Variants in NR5A2 observed in about 807,000 individuals in gnomAD.
The protein encoded by NR5A2 is CYP7A promoter-binding factor.
In NR5A2, 26 loss-of-function variants were observed where a neutral mutation model predicts 62.7. That is an observed-to-expected ratio of 0.41 (90% CI 0.30 to 0.58). NR5A2 has a LOEUF of 0.58. Among genes scored for constraint, NR5A2 ranks in the 20% least tolerant of loss-of-function variants. NR5A2 has a pLI of 0.22. For synonymous variants in NR5A2, 246 were observed against 241.7 expected, an observed-to-expected ratio of 1.02 and a Z score of -0.16; for missense variants, 541 against 669.1, an observed-to-expected ratio of 0.81 and a Z score of 2.11.
intron 5 of NR5A2, among the ~76,000 whole-genome samples, chr1:200,075,321 CT>C (rs1663975855): frequency 6.6e-6 from 1 of 152,094 alleles, no homozygotes; most frequent in South Asian, 2.1e-4. Flanking sequence ...AAAAAGGAGG[CT>C]TTTTTGCTTC....
At chr1:200,091,392 C>T (rs1664805602) in intron 5 of NR5A2, among the ~76,000 whole-genome samples, 1 of 151,918 alleles carries the variant, frequency 6.6e-6, no homozygotes, top group African/African-American at 2.4e-5. Flanking sequence ...TAGTTATTTG[C>T]CCGAGTTCAC....
intron 1 of NR5A2, among the ~76,000 whole-genome samples, chr1:200,034,600 G>A: frequency 7.6e-6 from 1 of 131,578 alleles, no homozygotes; most frequent in East Asian, 2.7e-4. Flanking sequence ...GGTTGCCCGG[G>A]GGGGTGGGTG....
rs760856582 is a variant in NR5A2, at chr1:200,048,692, A to G, written c.984A>G (p.Gln328=). The G allele has an allele frequency of 6.2e-7, 1 of 1,614,226 alleles. No individual in the cohort carries two copies. Among genetic ancestry groups the G allele is most frequent in the South Asian group, 1.1e-5 (1 of 91,086 alleles). The change falls in exon 5 of 8, where the codon CAA becomes CAG. Residue 328 remains glutamine, a synonymous_variant. Coordinates refer to ENST00000367362, the MANE Select transcript of NR5A2 (RefSeq NM_205860.3). The surrounding 1 kb of genome is among the most constrained non-coding windows in gnomAD (Gnocchi z 4.8). ...CTAAAATCATGGCCTATTTGCAGCAAGAGCAGGCTAACCGAAGCAAGCACG... is the reference window on the plus strand; with the variant it reads ...CTAAAATCATGGCCTATTTGCAGCAGGAGCAGGCTAACCGAAGCAAGCACG... ...VQAKIMAYLQ[Q]EQANRSKHEK...
chr1:200,121,188 T>C (rs1666468577), intron 7 of NR5A2, among the ~76,000 whole-genome samples: 2 of 152,224 alleles, frequency 1.3e-5, no homozygotes, highest in Admixed American at 1.3e-4. Flanking sequence ...CTCATTCAAA[T>C]GAGTCCTGGT....
At chr1:200,062,227 T>TGTGTGTGTGTGTG (rs1663256673) in intron 5 of NR5A2, among the ~76,000 whole-genome samples, 6 of 145,756 alleles carry the variant, frequency 4.1e-5, no homozygotes, top group African/African-American at 1.5e-4. Flanking sequence ...CTGGCAGATT[T>TGTGTGTGTGTGTG]TGTGTGTGTG....
intron 5 of NR5A2, among the ~76,000 whole-genome samples, chr1:200,089,094 A>G (rs1664689675): frequency 6.6e-6 from 1 of 152,214 alleles, no homozygotes; most frequent in Admixed American, 6.5e-5. Context: ...CACAAACACA[A>G]TTATGCCATA....
Position 200,133,588 on chromosome 1 carries a change from C to A in NR5A2, c.1378+12633C>A, listed in dbSNP as rs185566564. Among the ~76,000 whole-genome samples, 1,046 of 123,634 alleles carry A rather than the reference C, an allele frequency of 8.5e-3. 8 individuals carry two copies. The highest frequency in any genetic ancestry group is 0.013 in the Non-Finnish European group (793 of 59,516). The allele number at this position is 123,634 out of a possible 152,430, so 81.1% of individuals were successfully genotyped here. ...ATATATATATACACATATATATACA[C>A]ATATATATATATACACATATATACA... On this transcript the variant is annotated intron_variant, in intron 7 of 7. Coordinates refer to ENST00000367362, the MANE Select transcript of NR5A2 (RefSeq NM_205860.3).
intron 7 of NR5A2, among the ~76,000 whole-genome samples, chr1:200,141,031 TAAAC>T (rs140408927): frequency 0.51 from 77,767 of 151,194 alleles, 21,981 homozygotes; most frequent in Middle Eastern, 0.66. Context: ...ACTCCATCTC[TAAAC>T]AAACAAACAA....
At chr1:200,034,692 T>C (rs1033770990) in intron 1 of NR5A2, among the ~76,000 whole-genome samples, 1 of 150,892 alleles carries the variant, frequency 6.6e-6, no homozygotes, top group African/African-American at 2.4e-5. Flanking sequence ...CAGATCGAGA[T>C]ACTCTCATAG....
In NR5A2 at chr1:200,048,762, A is replaced by T; in HGVS notation, c.1054A>T (p.Thr352Ser). The T allele has an allele frequency of 6.2e-7, 1 of 1,614,110 alleles. No homozygotes were observed. Among genetic ancestry groups the T allele is most frequent in the Non-Finnish European group, 8.5e-7 (1 of 1,180,020 alleles). Residue 352 changes from threonine (T) to serine (S), a missense_variant, in exon 5 of 8, where the codon ACT becomes TCT. By Grantham distance (58) the Thr-to-Ser change is moderately conservative. This residue lies in a region of NR5A2 where 379 missense variants were observed against 442.0 expected (regional missense o/e 0.86). Coordinates refer to ENST00000367362, the MANE Select transcript of NR5A2 (RefSeq NM_205860.3). The surrounding 1 kb of genome is among the most constrained non-coding windows in gnomAD (Gnocchi z 4.8). ...GCTTATGTGCAAAATGGCAGATCAA[A>T]CTCTCTTCTCCATTGTCGAGTGGGC... Reference protein sequence around the residue: ...FGLMCKMADQTLFSIVEWARS... With the variant: ...FGLMCKMADQSLFSIVEWARS...
intron 7 of NR5A2, 27 bp from the exon 8 acceptor site, chr1:200,173,936 C>CTTT (rs3034024): frequency 4.5e-5 from 56 of 1,237,452 alleles, no homozygotes; most frequent in African/African-American, 1.5e-4. Flanking sequence ...TGAAATGTTG[C>CTTT]TTTTTTTTTT....
intron 5 of NR5A2, among the ~76,000 whole-genome samples, chr1:200,092,313 A>C (rs983672052): frequency 2.6e-5 from 4 of 152,308 alleles, no homozygotes; most frequent in Admixed American, 2.6e-4. Flanking sequence ...AAGACGCACT[A>C]TAAGTTTTTG....
At chr1:200,064,631 C>T (rs1479691510) in intron 5 of NR5A2, among the ~76,000 whole-genome samples, 1 of 152,074 alleles carries the variant, frequency 6.6e-6, no homozygotes, top group African/African-American at 2.4e-5. Flanking sequence ...ACTTAAGCAT[C>T]GGGGGCCAGA....
intron 6 of NR5A2, among the ~76,000 whole-genome samples, chr1:200,119,661 TC>T (rs1320173331): frequency 6.6e-6 from 1 of 152,162 alleles, no homozygotes; most frequent in Non-Finnish European, 1.5e-5. Flanking sequence ...GAGTCTGGCT[TC>T]TTCCCCCAGG....
At chr1:200,122,483 A>G (rs16846079) in intron 7 of NR5A2, among the ~76,000 whole-genome samples, 2,778 of 152,328 alleles carry the variant, frequency 0.018, 93 homozygotes, top group African/African-American at 0.063. Flanking sequence ...GAAGATGTAC[A>G]TATTAACCAT....
chr1:200,081,493 C>T (rs2102235289), intron 5 of NR5A2, among the ~76,000 whole-genome samples: 1 of 152,296 alleles, frequency 6.6e-6, no homozygotes, highest in African/African-American at 2.4e-5. Context: ...GCCCGCCTGT[C>T]TTCCACATCT....
At chr1:200,153,119 T>A (rs1363806562) in intron 7 of NR5A2, among the ~76,000 whole-genome samples, 2 of 152,256 alleles carry the variant, frequency 1.3e-5, no homozygotes, top group Non-Finnish European at 2.9e-5. Context: ...TCCTGGCTGG[T>A]GTTTTGCATG....
At chr1:200,121,347 A>G (rs2102311243) in intron 7 of NR5A2, among the ~76,000 whole-genome samples, 1 of 152,296 alleles carries the variant, frequency 6.6e-6, no homozygotes, top group East Asian at 1.9e-4. Flanking sequence ...TCAACTTGCT[A>G]TTTACTTCTG....
At position 200,048,690 on chromosome 1, in the gene NR5A2, C is replaced by G. The variant is rs200093294; in HGVS notation, c.982C>G (p.Gln328Glu). 1.2e-6 allele frequency: 2 copies of G among 1,614,198 alleles called. No individual in the cohort carries two copies. Among genetic ancestry groups the G allele is most frequent in the Non-Finnish European group, 1.7e-6 (2 of 1,180,034 alleles). ...VQAKIMAYLQ[Q>E]EQANRSKHEK... ...GGCTAAAATCATGGCCTATTTGCAG[C>G]AAGAGCAGGCTAACCGAAGCAAGCA... The change falls in exon 5 of 8, where the codon CAA becomes GAA. Residue 328 changes from glutamine to glutamate, a missense_variant. Physicochemically the swap from Gln to Glu is conservative, Grantham distance 29. Coordinates refer to ENST00000367362, the MANE Select transcript of NR5A2 (RefSeq NM_205860.3). This position sits in a 1 kb window ranked among gnomAD's most constrained non-coding sequence, Gnocchi z 4.8.
Sources: gnomAD v4.1 joint callset for allele counts (sites outside exome capture counted in the v4.1 genomes callset) on GRCh38, gnomAD v4.1.1 for gene constraint, gnomAD v4.1.1 regional missense constraint, Gnocchi (gnomAD v3.1) non-coding constraint, MANE v1.5 for transcripts, NCBI Gene and HGNC (gene_info 2026-07-23, HGNC 2026-07-21) for gene names.